The following MAP2K6 variants were observed in gnomAD, a reference collection of about 807,000 sequenced individuals.
The protein encoded by MAP2K6 is dual specificity mitogen-activated protein kinase kinase 6.
In MAP2K6, 16 loss-of-function variants were observed where a neutral mutation model predicts 53.7. That is an observed-to-expected ratio of 0.30 (90% confidence interval 0.20 to 0.45). The LOEUF (loss-of-function observed/expected upper bound fraction) is 0.45, where lower values mean the gene tolerates loss of function less well. MAP2K6 is among the 20% of genes least tolerant of loss of function. MAP2K6 has a pLI of 1.00. For synonymous variants in MAP2K6, 132 were observed against 143.1 expected (o/e 0.92, Z 0.55); for missense variants, 204 against 411.9 (o/e 0.50, Z 4.37).
intron 1 of MAP2K6, among the ~76,000 whole-genome samples, chr17:69,496,436 A>G (rs548712776): frequency 6.6e-6 from 1 of 150,572 alleles, no homozygotes; most frequent in Non-Finnish European, 1.5e-5. Context: ...ACACCCGGCT[A>G]ATTTTTTGTA....
intron 1 of MAP2K6, among the ~76,000 whole-genome samples, chr17:69,480,969 C>T (rs144611936): frequency 6.6e-6 from 1 of 152,030 alleles, no homozygotes; most frequent in East Asian, 1.9e-4. Flanking sequence ...CATTTGTGCC[C>T]TTTTGAAAGA....
intron 1 of MAP2K6, among the ~76,000 whole-genome samples, chr17:69,458,090 G>T (rs544817938): frequency 3.4e-4 from 52 of 151,982 alleles, no homozygotes; most frequent in African/African-American, 1.3e-3. Flanking sequence ...ATCTTGCTCT[G>T]TCGCCCAGGC....
At chr17:69,469,708 A>G (rs1026413660) in intron 1 of MAP2K6, among the ~76,000 whole-genome samples, 2 of 151,938 alleles carry the variant, frequency 1.3e-5, no homozygotes, top group Non-Finnish European at 2.9e-5. Context: ...GGTTACAGGG[A>G]ATGGAGATCG....
chr17:69,441,002 GTGTA>G (rs1451058959), intron 1 of MAP2K6, among the ~76,000 whole-genome samples: 2 of 152,260 alleles, frequency 1.3e-5, no homozygotes, highest in South Asian at 2.1e-4. Flanking sequence ...GTGTGTGTGT[GTGTA>G]TGTGTGTGTG....
At chr17:69,455,453 G>C (rs543617291) in intron 1 of MAP2K6, among the ~76,000 whole-genome samples, 1 of 152,096 alleles carries the variant, frequency 6.6e-6, no homozygotes, top group Non-Finnish European at 1.5e-5. Context: ...CAGGAAGAGA[G>C]GACAGTATTT....
chr17:69,487,406 A>G (rs956815509), intron 1 of MAP2K6, among the ~76,000 whole-genome samples: 2 of 152,218 alleles, frequency 1.3e-5, no homozygotes, highest in African/African-American at 4.8e-5. Flanking sequence ...CCTTGCATGT[A>G]ACACATACGC....
At chr17:69,470,049 C>T (rs867822635) in intron 1 of MAP2K6, among the ~76,000 whole-genome samples, 78 of 152,008 alleles carry the variant, frequency 5.1e-4, no homozygotes, top group African/African-American at 1.8e-3. Flanking sequence ...AAAAAAAATC[C>T]AAAACGTTAG....
At chr17:69,478,669 C>T (rs1246945065) in intron 1 of MAP2K6, among the ~76,000 whole-genome samples, 1 of 152,208 alleles carries the variant, frequency 6.6e-6, no homozygotes, top group Non-Finnish European at 1.5e-5. Context: ...AGGTGATCTA[C>T]TTGCCTCGGC....
At position 69,494,387 on chromosome 17, in the gene MAP2K6, A is replaced by G. The variant is rs1030177130; in HGVS notation, c.17-11393A>G. On this transcript the variant is annotated intron_variant, in intron 1 of 11. Coordinates refer to ENST00000590474, the MANE Select transcript of MAP2K6 (RefSeq NM_002758.4). The surrounding 1 kb of genome is among the most constrained non-coding windows in gnomAD (Gnocchi z 4.2). Reference sequence around the variant, plus strand: ...GTGGCACATGCCTGTAATCTCAGCTACTTGGGAGGCTGGGGCATGAAAATC... The same window carrying G: ...GTGGCACATGCCTGTAATCTCAGCTGCTTGGGAGGCTGGGGCATGAAAATC... Among the ~76,000 whole-genome samples, 1 of 152,066 alleles carries G rather than the reference A, an allele frequency of 6.6e-6. No individual in the cohort carries two copies. Among genetic ancestry groups the G allele is most frequent in the African/African-American group, 2.4e-5 (1 of 41,410 alleles).
Position 69,448,573 on chromosome 17 carries a change from C to T in MAP2K6, c.16+33573C>T, listed in dbSNP as rs529723489. Among the ~76,000 whole-genome samples the T allele has an allele frequency of 3.9e-5, 6 of 151,964 alleles. No homozygotes were observed. The East Asian group carries it at 1.2e-3, about 29-fold the overall frequency. ...GTTGCAGCCGGCCCTGGCCAGGGCT[C>T]TTTTCATTCTCCATTGTATTTTCTT... On this transcript the variant is annotated intron_variant, in intron 1 of 11. Transcript: ENST00000590474.
intron 1 of MAP2K6, among the ~76,000 whole-genome samples, chr17:69,471,241 T>G (rs142219070): frequency 6.6e-6 from 1 of 152,320 alleles, no homozygotes; most frequent in Non-Finnish European, 1.5e-5. Flanking sequence ...ATTCAAAATG[T>G]CAACTTTACA....
chr17:69,471,520 G>T (rs1269341704), intron 1 of MAP2K6, among the ~76,000 whole-genome samples: 1 of 152,204 alleles, frequency 6.6e-6, no homozygotes, highest in East Asian at 1.9e-4. Flanking sequence ...CAGAAAAGGG[G>T]AGAGTGGAAA....
chr17:69,443,772 T>C (rs900712419), intron 1 of MAP2K6, among the ~76,000 whole-genome samples: 1 of 152,152 alleles, frequency 6.6e-6, no homozygotes, highest in South Asian at 2.1e-4. Context: ...AAAGTAGTGA[T>C]AAGTTGGTAG....
rs141864926 is a variant in MAP2K6 at position 69,459,687 on chromosome 17, G to A, written c.16+44687G>A. 6.5e-3 allele frequency among the ~76,000 whole-genome samples: 832 copies of A among 127,110 alleles called. 10 individuals are homozygous for A. The highest frequency in any genetic ancestry group is 0.024 in the African/African-American group (797 of 33,178). 83.4% of individuals were successfully genotyped at this position (127,110 alleles called of 152,430 possible). On this transcript the variant is annotated intron_variant, in intron 1 of 11. Transcript: ENST00000590474. The stretch of plus-strand genomic sequence containing the variant: ...AGATTGCACCACTGCACTCCAGCCC[G>A]GGCAACAGCAAGACTCTGTCTCAAA...
At chr17:69,425,551 T>C (rs944473591) in intron 1 of MAP2K6, among the ~76,000 whole-genome samples, 1 of 152,108 alleles carries the variant, frequency 6.6e-6, no homozygotes, top group Admixed American at 6.5e-5. Context: ...GACCTCATGA[T>C]TCGCCCGCCT....
intron 1 of MAP2K6, among the ~76,000 whole-genome samples, chr17:69,435,882 G>T (rs1278189439): frequency 6.6e-6 from 1 of 152,048 alleles, no homozygotes; most frequent in Admixed American, 6.5e-5. Context: ...TGGCTAGGCT[G>T]GTCTCGAACT....
intron 1 of MAP2K6, among the ~76,000 whole-genome samples, chr17:69,483,491 C>G (rs1252896287): frequency 6.6e-6 from 1 of 151,934 alleles, no homozygotes; most frequent in Non-Finnish European, 1.5e-5. Context: ...GTTCATGAGT[C>G]AAAAGACTTA....
At chr17:69,485,239 C>T (rs540417795) in intron 1 of MAP2K6, 8 of 152,206 alleles carry the variant, frequency 5.3e-5, no homozygotes, top group Admixed American at 3.9e-4. Context: ...ACTCACATCT[C>T]ATACTCACAT....
chr17:69,541,537 TG>T (rs1911633779), intron 11 of MAP2K6, 138 bp from the exon 12 acceptor site: 1 of 509,230 alleles, frequency 2.0e-6, no homozygotes, highest in African/African-American at 2.0e-5. Flanking sequence ...TGCTTGATTT[TG>T]GAAAGGGTAG....
Sources: allele counts gnomAD v4.1 joint callset (sites outside exome capture counted in the v4.1 genomes callset), GRCh38; gene constraint gnomAD v4.1.1; non-coding constraint Gnocchi (gnomAD v3.1); transcripts MANE v1.5; gene names NCBI Gene and HGNC (gene_info 2026-07-23, HGNC 2026-07-21).